SOX5: variants seen among roughly 807,000 people sequenced by gnomAD.
SOX5 encodes SRY-box transcription factor 5.
SOX5 carries 9 observed loss-of-function variants against 92.0 expected under a neutral mutation model. The observed-to-expected ratio is 0.10, with a 90% CI of 0.06 to 0.17. The LOEUF (loss-of-function observed/expected upper bound fraction) is 0.17, where lower values mean the gene tolerates loss of function less well. Ranked by LOEUF, SOX5 falls within the 10% of genes least tolerant of loss-of-function variation. The pLI, the probability that SOX5 is intolerant of heterozygous loss-of-function variation, is 1.00. For missense variants in SOX5, 642 were observed against 944.5 expected (o/e 0.68, Z 4.20); for synonymous variants, 344 against 336.3 (o/e 1.02, Z -0.25).
chr12:24,504,605 A>G (rs1948541287), intron 1 of SOX5, among the ~76,000 whole-genome samples: 1 of 152,220 alleles, frequency 6.6e-6, no homozygotes, highest in African/African-American at 2.4e-5. Context: ...CATGTTTCCA[A>G]AATTGACATC....
chr12:24,041,724 A>G (rs1320886735), intron 4 of SOX5, among the ~76,000 whole-genome samples: 2 of 152,154 alleles, frequency 1.3e-5, no homozygotes, highest in Non-Finnish European at 2.9e-5. Context: ...ATTGCTATAC[A>G]TGCTCAGAAA....
At chr12:24,396,443 G>A (rs1959987521) in intron 1 of SOX5, among the ~76,000 whole-genome samples, 1 of 152,220 alleles carries the variant, frequency 6.6e-6, no homozygotes, top group Non-Finnish European at 1.5e-5. Flanking sequence ...ATTGGAGCAG[G>A]CAGCTGAGTG....
In SOX5 at chr12:23,970,840, A is replaced by ATATATATATATATATATATAT; in HGVS notation, c.-1-74817_-1-74816insATATATATATATATATATATA. On this transcript the variant is annotated intron_variant, in intron 4 of 4. Transcript: ENST00000446891. Reference sequence around the variant, plus strand: ...CACATGGGACTTTATATATATATATAATTTTTTTTTTTTTTTAAGAAATGG... The same window carrying ATATATATATATATATATATAT: ...CACATGGGACTTTATATATATATATATATATATATATATATATATATATTTTTTTTTTTTTTTAAGAAATGG... Among the ~76,000 whole-genome samples the ATATATATATATATATATATAT allele has an allele frequency of 1.9e-3, 64 of 33,422 alleles. 2 individuals carry two copies. Among genetic ancestry groups the ATATATATATATATATATATAT allele is most frequent in the Admixed American group, 2.7e-3 (6 of 2,262 alleles). 21.9% of individuals were successfully genotyped at this position (33,422 alleles called of 152,430 possible).
At chr12:24,190,162 T>G (rs2139395086) in intron 4 of SOX5, among the ~76,000 whole-genome samples, 1 of 152,308 alleles carries the variant, frequency 6.6e-6, no homozygotes, top group Middle Eastern at 3.4e-3. Context: ...AAACACAAAG[T>G]TAAGCCTGAG....
At chr12:24,201,023 C>T (rs1161865118) in intron 4 of SOX5, among the ~76,000 whole-genome samples, 3 of 152,164 alleles carry the variant, frequency 2.0e-5, no homozygotes, top group South Asian at 4.1e-4. Context: ...GGAACTATCA[C>T]AGAACTATAC....
intron 6 of SOX5, among the ~76,000 whole-genome samples, chr12:23,710,121 C>T (rs1346068550): frequency 6.6e-6 from 1 of 152,124 alleles, no homozygotes; most frequent in Non-Finnish European, 1.5e-5. Context: ...ACACACACCA[C>T]ACGCACACAC....
At chr12:23,888,659 C>G (rs1178801716) in intron 2 of SOX5, among the ~76,000 whole-genome samples, 2 of 152,092 alleles carry the variant, frequency 1.3e-5, no homozygotes, top group African/African-American at 4.8e-5. Context: ...TCACACGTCC[C>G]CATTCCTGCT....
chr12:24,367,467 G>A (rs1198641249), intron 2 of SOX5, among the ~76,000 whole-genome samples: 1 of 152,038 alleles, frequency 6.6e-6, no homozygotes, highest in Non-Finnish European at 1.5e-5. Context: ...AAGTTTACAT[G>A]GGCATCAGCA....
upstream of SOX5, among the ~76,000 whole-genome samples, chr12:23,955,619 T>G (rs551099478): frequency 6.6e-6 from 1 of 152,176 alleles, no homozygotes; most frequent in African/African-American, 2.4e-5. Flanking sequence ...ATTTATTTTT[T>G]TACTCTCTAC....
At chr12:24,325,351 C>T (rs1306387426) in intron 2 of SOX5, among the ~76,000 whole-genome samples, 2 of 152,006 alleles carry the variant, frequency 1.3e-5, no homozygotes, top group Non-Finnish European at 2.9e-5. Flanking sequence ...GATTTTAGTG[C>T]CTAACACATT....
intron 1 of SOX5, among the ~76,000 whole-genome samples, chr12:24,462,410 G>A (rs927507268): frequency 6.6e-6 from 1 of 152,154 alleles, no homozygotes; most frequent in Non-Finnish European, 1.5e-5. Context: ...GCTCTGGAAA[G>A]TCTCCAACAA....
chr12:23,734,556 G>A (rs983944439), intron 6 of SOX5, 128 bp downstream of exon 6: 19 of 661,086 alleles, frequency 2.9e-5, no homozygotes, highest in Middle Eastern at 4.2e-4. Context: ...TGGCAGAGGA[G>A]GTGCTATGTC....
chr12:24,025,008 T>C (rs1214970076), intron 4 of SOX5, among the ~76,000 whole-genome samples: 2 of 152,064 alleles, frequency 1.3e-5, no homozygotes, highest in African/African-American at 4.8e-5. Context: ...ATTAAACATT[T>C]ACTAAAATCC....
rs368133930 is a variant in SOX5, at chr12:24,224,317, C to A, written c.-76-10900G>T. 6.6e-5 allele frequency among the ~76,000 whole-genome samples: 10 copies of A among 152,090 alleles called. No homozygotes were observed. The South Asian group carries it at 2.1e-3, about 32-fold the overall frequency. Reference sequence around the variant, plus strand: ...GTCTCCATTTAGAATGTTTCGGAAGCTGACACAGTTTTTTTCTTTTTTTCT... The same window carrying A: ...GTCTCCATTTAGAATGTTTCGGAAGATGACACAGTTTTTTTCTTTTTTTCT... On this transcript the variant is annotated intron_variant, in intron 3 of 4. Transcript: ENST00000446891.
At chr12:24,239,483 T>C (rs961873890) in intron 3 of SOX5, among the ~76,000 whole-genome samples, 22 of 152,242 alleles carry the variant, frequency 1.4e-4, no homozygotes, top group South Asian at 6.2e-4. Flanking sequence ...CTCATTTTTA[T>C]AGGACTTCTG....
intron 2 of SOX5, among the ~76,000 whole-genome samples, chr12:24,343,821 G>T (rs1011902464): frequency 6.6e-6 from 1 of 152,160 alleles, no homozygotes; most frequent in African/African-American, 2.4e-5. Context: ...GTGAAGAAAG[G>T]TATTTGGTGA....
At chr12:24,440,311 G>T (rs949439318) in intron 1 of SOX5, among the ~76,000 whole-genome samples, 1 of 152,160 alleles carries the variant, frequency 6.6e-6, no homozygotes, top group African/African-American at 2.4e-5. Flanking sequence ...TTCTGCTGAG[G>T]TTATCTTCCT....
At chr12:23,999,340 A>G (rs1002967559) in intron 4 of SOX5, among the ~76,000 whole-genome samples, 2 of 152,156 alleles carry the variant, frequency 1.3e-5, no homozygotes, top group African/African-American at 2.4e-5. Context: ...ACCAAAGAGT[A>G]TAACTTTGCA....
In SOX5 at chr12:23,532,390, C is replaced by T. The variant is rs1939285587; in HGVS notation, c.*1829G>A. 6.6e-6 allele frequency: 1 copy of T among 152,140 alleles called. No individual in the cohort carries two copies. 9.4% of individuals were successfully genotyped at this position (152,140 alleles called of 1,614,324 possible). A position where few individuals can be genotyped will look rare whatever the true frequency, so the allele number is the denominator to read the frequency against. On this transcript the variant is annotated 3_prime_UTR_variant, in exon 15 of 15. Coordinates refer to ENST00000451604, the MANE Select transcript of SOX5 (RefSeq NM_006940.6). Reference sequence around the variant, plus strand: ...AGGAAAATGATGACTGGAGTGAAAACTATAGCACATCAAGCTACTAGTTGC... The same window carrying T: ...AGGAAAATGATGACTGGAGTGAAAATTATAGCACATCAAGCTACTAGTTGC...
Sources: allele counts gnomAD v4.1 joint callset (sites outside exome capture counted in the v4.1 genomes callset), GRCh38; gene constraint gnomAD v4.1.1; transcripts MANE v1.5; gene names NCBI Gene and HGNC (gene_info 2026-07-23, HGNC 2026-07-21).